Variants in PRDM16 observed in about 807,000 individuals in gnomAD.
The protein encoded by PRDM16 is PR/SET domain 16.
PRDM16 carries 23 observed loss-of-function variants against 110.6 expected under a neutral mutation model. The observed-to-expected ratio is 0.21, with a 90% CI of 0.15 to 0.29. The LOEUF (loss-of-function observed/expected upper bound fraction) is 0.29. PRDM16 is among the 10% of genes least tolerant of loss of function. The pLI, the probability that PRDM16 is intolerant of heterozygous loss-of-function variation, is 1.00. For synonymous variants in PRDM16, 799 were observed against 781.8 expected, an observed-to-expected ratio of 1.02 and a Z score of -0.37; for missense variants, 1,615 against 1,794.3, an observed-to-expected ratio of 0.90 and a Z score of 1.81.
At chr1:3,158,001 T>A (rs1371955301) in intron 1 of PRDM16, among the ~76,000 whole-genome samples, 2 of 152,188 alleles carry the variant, frequency 1.3e-5, no homozygotes, top group Non-Finnish European at 2.9e-5. Context: ...CAGAAACAGA[T>A]TTTGAAATGG....
At chr1:3,296,892 A>G (rs1641100606) in intron 3 of PRDM16, among the ~76,000 whole-genome samples, 1 of 152,212 alleles carries the variant, frequency 6.6e-6, no homozygotes, top group African/African-American at 2.4e-5. Context: ...AAACCCACCG[A>G]GCAGCACGGC....
intron 3 of PRDM16, among the ~76,000 whole-genome samples, chr1:3,338,555 G>C (rs915828669): frequency 2.0e-5 from 3 of 152,218 alleles, no homozygotes; most frequent in Non-Finnish European, 4.4e-5. Flanking sequence ...CTGTCTGACT[G>C]CCCAGGGTGG....
intron 1 of PRDM16, among the ~76,000 whole-genome samples, chr1:3,103,592 T>C (rs1213453586): frequency 6.6e-6 from 1 of 152,176 alleles, no homozygotes; most frequent in Non-Finnish European, 1.5e-5. Context: ...TGAGGGGTGG[T>C]GCAGAAACAC....
chr1:3,090,093 A>G (rs975168947), intron 1 of PRDM16, among the ~76,000 whole-genome samples: 2 of 152,220 alleles, frequency 1.3e-5, no homozygotes, highest in Admixed American at 6.5e-5. Context: ...AAAGGCAAAC[A>G]AACCCCCCAG....
chr1:3,228,863 C>T (rs1335755320), intron 2 of PRDM16, among the ~76,000 whole-genome samples: 1 of 152,214 alleles, frequency 6.6e-6, no homozygotes, highest in African/African-American at 2.4e-5. Flanking sequence ...GAGCCATCAC[C>T]GCCACGGGCA....
intron 1 of PRDM16, among the ~76,000 whole-genome samples, chr1:3,141,122 A>G (rs976413878): frequency 1.3e-5 from 2 of 152,250 alleles, no homozygotes; most frequent in East Asian, 1.9e-4. Context: ...TGATTTGTTA[A>G]ATAATAGAAA....
chr1:3,404,232 C>T (rs1045606016), intron 6 of PRDM16, among the ~76,000 whole-genome samples: 1 of 152,222 alleles, frequency 6.6e-6, no homozygotes, highest in African/African-American at 2.4e-5. Flanking sequence ...GCAGCGGCCC[C>T]TCCGAGCAGC....
At chr1:3,247,250 A>C (rs1324246874) in intron 3 of PRDM16, among the ~76,000 whole-genome samples, 1 of 152,160 alleles carries the variant, frequency 6.6e-6, no homozygotes, top group Non-Finnish European at 1.5e-5. Context: ...CCTCAGTGAA[A>C]TGTGACGAAG....
At chr1:3,387,155 G>A (rs1643214280) in intron 4 of PRDM16, among the ~76,000 whole-genome samples, 1 of 152,174 alleles carries the variant, frequency 6.6e-6, no homozygotes, top group Admixed American at 6.5e-5. Flanking sequence ...GAATGATCCT[G>A]AATCCTGATC....
intron 3 of PRDM16, among the ~76,000 whole-genome samples, chr1:3,331,913 AC>A (rs1294942145): frequency 1.5e-4 from 23 of 152,076 alleles, no homozygotes; most frequent in African/African-American, 4.3e-4. Flanking sequence ...AGACATCTCC[AC>A]CTCTCAGGAT....
chr1:3,099,039 C>T (rs1642472516), intron 1 of PRDM16, among the ~76,000 whole-genome samples: 1 of 152,222 alleles, frequency 6.6e-6, no homozygotes, highest in Admixed American at 6.5e-5. Context: ...TCCATCAAGC[C>T]CCATCGAGGG....
chr1:3,258,387 T>C (rs1640093229), intron 3 of PRDM16, among the ~76,000 whole-genome samples: 1 of 152,222 alleles, frequency 6.6e-6, no homozygotes. Context: ...TGAGTAATAT[T>C]TCCCTCTTTG....
At position 3,431,086 on chromosome 1, in the gene PRDM16, G is replaced by A. The variant is rs1229345087; in HGVS notation, c.3499G>A (p.Val1167Met). 1.7e-5 allele frequency: 27 copies of A among 1,551,434 alleles called. No homozygotes were observed. Among genetic ancestry groups the A allele is most frequent in the Middle Eastern group, 4.3e-4 (2 of 4,684 alleles). Residue 1167 changes from valine (V) to methionine (M), a missense_variant, in exon 15 of 17, where the codon GTG becomes ATG. By Grantham distance (21) the Val-to-Met change is conservative (BLOSUM62 1). Around this residue, in one of 5 missense-constraint regions of PRDM16, gnomAD observed 327 missense variants for 359.3 expected, o/e 0.91. Coordinates refer to ENST00000270722, the MANE Select transcript of PRDM16 (RefSeq NM_022114.4). Reference sequence around the variant, plus strand: ...TGAGGAGCCAGCCGCCTCCCTGGCCGTGGGCTTTGACCACACCCGAAGGTG... The same window carrying A: ...TGAGGAGCCAGCCGCCTCCCTGGCCATGGGCTTTGACCACACCCGAAGGTG... ...EDEEPAASLA[V>M]GFDHTRRCAE...
intron 1 of PRDM16, among the ~76,000 whole-genome samples, chr1:3,120,211 G>C (rs1643064126): frequency 6.6e-6 from 1 of 152,268 alleles, no homozygotes; most frequent in African/African-American, 2.4e-5. Flanking sequence ...GATTAAATCT[G>C]TGGGAAGTCT....
intron 5 of PRDM16, among the ~76,000 whole-genome samples, chr1:3,399,269 C>T (rs922718056): frequency 1.3e-5 from 2 of 152,204 alleles, no homozygotes; most frequent in Non-Finnish European, 2.9e-5. Context: ...GGACAGAGCG[C>T]ATGAGCCAGC....
chr1:3,425,783 C>T lies in PRDM16; in HGVS notation c.3109+33C>T, dbSNP rs774009828. 3.1e-6 allele frequency: 5 copies of T among 1,610,654 alleles called. No individual in the cohort carries two copies. Among genetic ancestry groups the T allele is most frequent in the Admixed American group, 1.7e-5 (1 of 59,870 alleles). On this transcript the variant is annotated intron_variant, in intron 13 of 16. Transcript: ENST00000270722. The surrounding 1 kb of genome is among the most constrained non-coding windows in gnomAD (Gnocchi z 6.9). ...ACGCGGGGTGGGGCAGCCCCCAGAG[C>T]ACCCACACGGGCAGGCCCCACAGAG...
At chr1:3,158,205 A>C (rs1021045999) in intron 1 of PRDM16, among the ~76,000 whole-genome samples, 2 of 152,136 alleles carry the variant, frequency 1.3e-5, no homozygotes, top group African/African-American at 4.8e-5. Context: ...CTCTCATTTG[A>C]CCGAGTCACG....
At chr1:3,071,106 C>G (rs1056392907) in intron 1 of PRDM16, among the ~76,000 whole-genome samples, 1 of 152,264 alleles carries the variant, frequency 6.6e-6, no homozygotes, top group Non-Finnish European at 1.5e-5. Context: ...GCGTGTGGGC[C>G]GCCAGGTCAG....
Position 3,143,106 on chromosome 1 carries a change from T to C in PRDM16, c.38-43019T>C, listed in dbSNP as rs1201829188. ...GGAAGCCTGAGCTCTGTCTTTTCAGTCGCCTGTCATTTAAAATGAAAGTAA... is the reference window on the plus strand; with the variant it reads ...GGAAGCCTGAGCTCTGTCTTTTCAGCCGCCTGTCATTTAAAATGAAAGTAA... On this transcript the variant is annotated intron_variant, in intron 1 of 16. Coordinates refer to ENST00000270722, the MANE Select transcript of PRDM16 (RefSeq NM_022114.4). This position sits in a 1 kb window ranked among gnomAD's most constrained non-coding sequence, Gnocchi z 4.5. Among the ~76,000 whole-genome samples the C allele has an allele frequency of 8.5e-5, 13 of 152,312 alleles. No homozygotes were observed. The East Asian group carries it at 2.5e-3, about 29-fold the overall frequency.
Sources: allele counts gnomAD v4.1 joint callset (sites outside exome capture counted in the v4.1 genomes callset), GRCh38; gene constraint gnomAD v4.1.1; regional missense constraint gnomAD v4.1.1; non-coding constraint Gnocchi (gnomAD v3.1); transcripts MANE v1.5; gene names NCBI Gene and HGNC (gene_info 2026-07-23, HGNC 2026-07-21).